HIBCH: variants seen among roughly 807,000 people sequenced by gnomAD.
The protein encoded by HIBCH is 3-hydroxyisobutyryl-CoA hydrolase, mitochondrial.
A neutral mutation model predicts 58.2 loss-of-function variants in HIBCH; 50 were observed. The observed-to-expected ratio is 0.86, with a 90% CI of 0.68 to 1.09. The LOEUF (loss-of-function observed/expected upper bound fraction) is 1.09. Ranked by LOEUF, HIBCH falls within the 50% of genes least tolerant of loss-of-function variation. HIBCH has a pLI of 0.00. For missense variants in HIBCH, 450 were observed against 449.7 expected (o/e 1.00, Z -0.01); for synonymous variants, 151 against 146.9 (o/e 1.03, Z -0.20).
rs1373891333 is a variant in HIBCH at position 190,209,520 on chromosome 2, T to TA, written c.1012-608dup. 6.6e-6 allele frequency among the ~76,000 whole-genome samples: 1 copy of TA among 152,192 alleles called. No homozygotes were observed. Among genetic ancestry groups the TA allele is most frequent in the East Asian group, 1.9e-4 (1 of 5,200 alleles). On this transcript the variant is annotated intron_variant, in intron 12 of 13. Coordinates refer to ENST00000359678, the MANE Select transcript of HIBCH (RefSeq NM_014362.4). This position sits in a 1 kb window ranked among gnomAD's most constrained non-coding sequence, Gnocchi z 5.6. ...CTCTACCCGTAGAGCACACTCTTAT[T>TA]ATAGTCTCAGCCAGTTACTTAACCT... is the stretch of plus-strand genomic sequence containing the variant.
At chr2:190,202,258 A>G (rs980748294), downstream of HIBCH, 4 of 167,014 alleles carry the variant, frequency 2.4e-5, no homozygotes, top group African/African-American at 9.7e-5. Context: ...CTTGTCCCTG[A>G]ATCACATTTT....
At chr2:190,314,534 A>C (rs1405392377) in intron 1 of HIBCH, among the ~76,000 whole-genome samples, 1 of 152,034 alleles carries the variant, frequency 6.6e-6, no homozygotes, top group Non-Finnish European at 1.5e-5. Flanking sequence ...GCTGCAGCGC[A>C]GTGGCACGAT....
chr2:190,261,331 ATTATCT>A, intron 6 of HIBCH, 97 bp from the exon 7 acceptor site: 1 of 858,046 alleles, frequency 1.2e-6, no homozygotes, highest in South Asian at 1.4e-5. Flanking sequence ...AAGCAAGTAA[ATTATCT>A]TTATACTCCA....
chr2:190,249,507 A>G, intron 9 of HIBCH, 133 bp downstream of exon 9: 1 of 609,356 alleles, frequency 1.6e-6, no homozygotes, highest in Admixed American at 2.8e-5. Flanking sequence ...TTCTTCTGCC[A>G]CGCTTTAAAG....
rs148810622 is a variant in HIBCH, at chr2:190,246,253, T to C, written c.751-41A>G. ...AATCTTTTAATAAATTTGAACACAA[T>C]TTTTTAATCCTTAAAAATTCATATT... On this transcript the variant is annotated intron_variant, in intron 9 of 13. Transcript: ENST00000359678. 3,059 of 1,156,650 alleles carry C rather than the reference T, an allele frequency of 2.6e-3. 55 individuals are homozygous for C. In the Admixed American group the frequency reaches 0.035, roughly 13 times the overall value. 71.6% of individuals were successfully genotyped at this position (1,156,650 alleles called of 1,614,324 possible). A position where few individuals can be genotyped will look rare whatever the true frequency, so the allele number is the denominator to read the frequency against.
chr2:190,240,085 T>C (rs1199236958), intron 11 of HIBCH, among the ~76,000 whole-genome samples: 1 of 152,256 alleles, frequency 6.6e-6, no homozygotes, highest in Non-Finnish European at 1.5e-5. Flanking sequence ...CACTAGCTCC[T>C]CTTCATACCT....
intron 6 of HIBCH, among the ~76,000 whole-genome samples, chr2:190,285,199 C>A (rs1687801088): frequency 6.6e-6 from 1 of 152,142 alleles, no homozygotes; most frequent in Admixed American, 6.5e-5. Context: ...TCCTGTTTCC[C>A]TTTTTCAACT....
chr2:190,238,484 G>C lies in HIBCH; in HGVS notation c.891+6403C>G, dbSNP rs138632588. Among the ~76,000 whole-genome samples, 516 of 152,230 alleles carry C rather than the reference G, an allele frequency of 3.4e-3. 4 individuals are homozygous for C. Among genetic ancestry groups the C allele is most frequent in the Non-Finnish European group, 5.5e-3 (375 of 68,016 alleles). ...TGTAAATGTCTTTTGTTTGTTTTGA[G>C]ATGGAGTCTTGCTCTTGTCACCCAG... On this transcript the variant is annotated intron_variant, in intron 11 of 13. Transcript: ENST00000359678.
chr2:190,221,416 T>C (rs1432152019), intron 11 of HIBCH, among the ~76,000 whole-genome samples: 1 of 152,208 alleles, frequency 6.6e-6, no homozygotes, highest in Admixed American at 6.5e-5. Flanking sequence ...AGAAGAAATA[T>C]TTATTAAACA....
chr2:190,318,296 G>A (rs905540019), intron 1 of HIBCH, among the ~76,000 whole-genome samples: 31 of 152,154 alleles, frequency 2.0e-4, no homozygotes, highest in African/African-American at 7.5e-4. Flanking sequence ...CTGGGGTAAG[G>A]AGAGGCGGTG....
At chr2:190,274,461 C>T (rs1478216517) in intron 6 of HIBCH, among the ~76,000 whole-genome samples, 1 of 152,170 alleles carries the variant, frequency 6.6e-6, no homozygotes, top group Non-Finnish European at 1.5e-5. Flanking sequence ...AATGTATACG[C>T]TCATTATTTT....
intron 11 of HIBCH, among the ~76,000 whole-genome samples, chr2:190,244,203 C>T (rs1467915642): frequency 6.6e-6 from 1 of 151,976 alleles, no homozygotes; most frequent in African/African-American, 2.4e-5. Context: ...CAAGCTAAAA[C>T]ACCTTTTAAG....
intron 11 of HIBCH, among the ~76,000 whole-genome samples, chr2:190,240,316 G>A (rs1231888357): frequency 6.6e-6 from 1 of 152,158 alleles, no homozygotes; most frequent in Non-Finnish European, 1.5e-5. Context: ...TCTGATGGTA[G>A]TTTGCATTTC....
chr2:190,203,055 A>AT (rs2105893126), downstream of HIBCH: 2 of 167,178 alleles, frequency 1.2e-5, no homozygotes, highest in Admixed American at 1.3e-4. Flanking sequence ...AAACTGCCTT[A>AT]TTAGTATTAA....
intron 1 of HIBCH, among the ~76,000 whole-genome samples, chr2:190,317,852 C>T (rs1362779886): frequency 6.8e-6 from 1 of 148,032 alleles, no homozygotes; most frequent in Non-Finnish European, 1.5e-5. Flanking sequence ...GAGACAGAGT[C>T]TCACCCTGTC....
chr2:190,309,668 G>T (rs1461713988), intron 2 of HIBCH, among the ~76,000 whole-genome samples: 1 of 151,334 alleles, frequency 6.6e-6, no homozygotes, highest in Non-Finnish European at 1.5e-5. Flanking sequence ...CCATTCTCCT[G>T]CCTCAGCCTC....
Position 190,287,640 on chromosome 2 carries a change from T to G in HIBCH, c.386-2A>C. On this transcript the variant is annotated splice_acceptor_variant, in intron 5 of 13. Coordinates refer to ENST00000359678, the MANE Select transcript of HIBCH (RefSeq NM_014362.4). LOFTEE classifies it high-confidence loss of function. Reference sequence around the variant, plus strand: ...CAACATAAGGTTTCTGGCAAGAACCTGAAAGAAACAGAGCTGTAATTTTAG... The same window carrying G: ...CAACATAAGGTTTCTGGCAAGAACCGGAAAGAAACAGAGCTGTAATTTTAG... 2.5e-6 allele frequency: 4 copies of G among 1,608,676 alleles called. No homozygotes were observed. Among genetic ancestry groups the G allele is most frequent in the Non-Finnish European group, 3.4e-6 (4 of 1,175,404 alleles).
chr2:190,247,610 T>C (rs1686648388), intron 9 of HIBCH, among the ~76,000 whole-genome samples: 1 of 152,218 alleles, frequency 6.6e-6, no homozygotes, highest in Non-Finnish European at 1.5e-5. Context: ...ACCTCTAGTT[T>C]TCCATTCTCT....
At position 190,210,294 on chromosome 2, in the gene HIBCH, A is replaced by G. The variant is rs10191068; in HGVS notation, c.1012-1381T>C. ...AAATGACACTTCTAACCTCGTCTACACTTTGACAGCGTTCAACACTGTCCA... is the reference window on the plus strand; with the variant it reads ...AAATGACACTTCTAACCTCGTCTACGCTTTGACAGCGTTCAACACTGTCCA... On this transcript the variant is annotated intron_variant, in intron 12 of 13. Coordinates refer to ENST00000359678, the MANE Select transcript of HIBCH (RefSeq NM_014362.4). The surrounding 1 kb of genome is among the most constrained non-coding windows in gnomAD (Gnocchi z 5.5). Among the ~76,000 whole-genome samples the G allele has an allele frequency of 0.3, 45,304 of 152,002 alleles. 7,577 individuals are homozygous for G. The highest frequency in any genetic ancestry group is 0.47 in the East Asian group (2,436 of 5,154).
Sources: gnomAD v4.1 joint callset for allele counts (sites outside exome capture counted in the v4.1 genomes callset) on GRCh38, gnomAD v4.1.1 for gene constraint, Gnocchi (gnomAD v3.1) non-coding constraint, MANE v1.5 for transcripts, NCBI Gene and HGNC (gene_info 2026-07-23, HGNC 2026-07-21) for gene names.